NAALAD2: variants seen among roughly 807,000 people sequenced by gnomAD.
The protein encoded by NAALAD2 is N-acetylated-alpha-linked acidic dipeptidase 2.
NAALAD2 carries 89 observed loss-of-function variants against 95.6 expected under a neutral mutation model. That is an observed-to-expected ratio of 0.93 (90% confidence interval 0.78 to 1.11). NAALAD2 has a LOEUF of 1.11. NAALAD2 is among the 50% of genes least tolerant of loss of function. The pLI is 0.00. For missense variants in NAALAD2, 894 were observed against 872.4 expected, an observed-to-expected ratio of 1.02 and a Z score of -0.31; for synonymous variants, 264 against 294.4, an observed-to-expected ratio of 0.90 and a Z score of 1.06.
intron 18 of NAALAD2, among the ~76,000 whole-genome samples, chr11:90,184,611 A>T (rs1857068667): frequency 6.6e-6 from 1 of 151,968 alleles, no homozygotes; most frequent in South Asian, 2.1e-4. Context: ...ATTTATAAGA[A>T]ATCTATATTT....
intron 2 of NAALAD2, among the ~76,000 whole-genome samples, chr11:90,139,614 A>C (rs1459223227): frequency 6.6e-6 from 1 of 152,148 alleles, no homozygotes; most frequent in Non-Finnish European, 1.5e-5. Flanking sequence ...AAATGTATCA[A>C]ACCATCTTTT....
chr11:90,133,792 A>T (rs1590946251), upstream of NAALAD2, among the ~76,000 whole-genome samples: 1 of 152,088 alleles, frequency 6.6e-6, no homozygotes, highest in East Asian at 1.9e-4. Flanking sequence ...TCTTCCTGAG[A>T]TATTAGTTCG....
chr11:90,150,518 G>T lies in NAALAD2; in HGVS notation c.520G>T (p.Asp174Tyr), dbSNP rs759934890. 5.6e-6 allele frequency: 9 copies of T among 1,610,802 alleles called. No homozygotes were observed. In the African/African-American group the frequency reaches 1.1e-4, roughly 19 times the overall value. The change falls in exon 5 of 19, where the codon GAC becomes TAC. Residue 174 changes from aspartate to tyrosine, a missense_variant. By Grantham distance (160) the Asp-to-Tyr change is radical. Transcript: ENST00000534061. ...ATATGTGAACTATGCTCGCACTGAAGACTTTTTCAAACTAGAAAGAGAGAT... is the reference window on the plus strand; with the variant it reads ...ATATGTGAACTATGCTCGCACTGAATACTTTTTCAAACTAGAAAGAGAGAT... Reference protein sequence around the residue: ...LVYVNYARTEDFFKLEREMGI... With the variant: ...LVYVNYARTEYFFKLEREMGI...
At chr11:90,138,059 C>G (rs117534819) in intron 2 of NAALAD2, among the ~76,000 whole-genome samples, 5,816 of 152,196 alleles carry the variant, frequency 0.038, 156 homozygotes, top group Non-Finnish European at 0.057. Context: ...TCCCCCAAAA[C>G]TTAACTATTA....
intron 6 of NAALAD2, among the ~76,000 whole-genome samples, chr11:90,155,396 T>A (rs1301132248): frequency 2.6e-5 from 2 of 78,104 alleles, no homozygotes; most frequent in Admixed American, 2.2e-4. Context: ...ATGTAATATA[T>A]AATATATATA....
intron 15 of NAALAD2, 56 bp from the exon 16 acceptor site, chr11:90,177,797 A>G: frequency 6.8e-7 from 1 of 1,465,834 alleles, no homozygotes; most frequent in South Asian, 1.3e-5. Flanking sequence ...ACATAAAAAT[A>G]TTATAACTTG....
At chr11:90,184,742 A>T (rs1480978833) in intron 18 of NAALAD2, among the ~76,000 whole-genome samples, 1 of 152,010 alleles carries the variant, frequency 6.6e-6, no homozygotes, top group Non-Finnish European at 1.5e-5. Context: ...GTGAAACTCA[A>T]TGTTGAGTTT....
intron 2 of NAALAD2, among the ~76,000 whole-genome samples, chr11:90,146,773 C>T (rs1951759918): frequency 6.6e-6 from 1 of 152,112 alleles, no homozygotes; most frequent in Non-Finnish European, 1.5e-5. Flanking sequence ...ACCAAGAGAA[C>T]ACTGCCCAAA....
In NAALAD2 at chr11:90,162,859, A is replaced by G. The variant is rs1364297033; in HGVS notation, c.990-90A>G. The G allele has an allele frequency of 1.5e-5, 11 of 717,520 alleles. No individual in the cohort carries two copies. The Admixed American group carries it at 3.1e-4, about 20-fold the overall frequency. 44.4% of individuals were successfully genotyped at this position (717,520 alleles called of 1,614,324 possible). A position where few individuals can be genotyped will look rare whatever the true frequency, so the allele number is the denominator to read the frequency against. On this transcript the variant is annotated intron_variant, in intron 8 of 18. Transcript: ENST00000534061. ...GCTATTGCACAGCTTTTCATAATAA[A>G]ACACTATTATGAAAATAGTTTTTTA...
chr11:90,177,036 G>A (rs982920009), intron 15 of NAALAD2, among the ~76,000 whole-genome samples: 9 of 152,130 alleles, frequency 5.9e-5, no homozygotes, highest in South Asian at 4.1e-4. Flanking sequence ...GATAGAAGGA[G>A]AAGGACTGAT....
intron 18 of NAALAD2, among the ~76,000 whole-genome samples, chr11:90,188,137 C>T (rs180979492): frequency 2.0e-5 from 3 of 152,198 alleles, no homozygotes; most frequent in East Asian, 1.9e-4. Context: ...ACTTGGTGAT[C>T]GGCACAAGAG....
chr11:90,147,323 A>G lies in NAALAD2; in HGVS notation c.195-7A>G. 1 of 1,609,842 alleles carries G rather than the reference A, an allele frequency of 6.2e-7. No individual in the cohort carries two copies. The highest frequency in any genetic ancestry group is 1.1e-5 in the South Asian group (1 of 90,914). On this transcript the variant is annotated splice_region_variant and splice_polypyrimidine_tract_variant and intron_variant, in intron 2 of 18. Coordinates refer to ENST00000534061, the MANE Select transcript of NAALAD2 (RefSeq NM_005467.4). ...TAATGCCCTCTTATGTTTTATTTTC[A>G]TTTTAGTTCTTTTACAAAGCTTCCT...
intron 7 of NAALAD2, 93 bp from the exon 8 acceptor site, chr11:90,159,146 A>T: frequency 1.1e-6 from 1 of 942,302 alleles, no homozygotes; most frequent in Non-Finnish European, 1.7e-6. Flanking sequence ...AATATTTGTT[A>T]TATATATGAA....
intron 2 of NAALAD2, among the ~76,000 whole-genome samples, chr11:90,143,353 A>G (rs1951670474): frequency 6.6e-6 from 1 of 152,102 alleles, no homozygotes; most frequent in African/African-American, 2.4e-5. Context: ...TTTCCTGGAC[A>G]TAGAATTCTG....
At chr11:90,136,421 C>T (rs577338024) in intron 2 of NAALAD2, among the ~76,000 whole-genome samples, 1 of 152,202 alleles carries the variant, frequency 6.6e-6, no homozygotes, top group East Asian at 1.9e-4. Flanking sequence ...TCCATTATGC[C>T]CTTTGCAGTT....
chr11:90,190,358 C>T (rs1857288813), intron 18 of NAALAD2, among the ~76,000 whole-genome samples: 1 of 152,158 alleles, frequency 6.6e-6, no homozygotes, highest in South Asian at 2.1e-4. Context: ...CAGGCAGTCT[C>T]AGTCTACAAC....
chr11:90,160,747 A>T (rs545753795), intron 8 of NAALAD2, among the ~76,000 whole-genome samples: 2 of 152,316 alleles, frequency 1.3e-5, no homozygotes, highest in Admixed American at 1.3e-4. Flanking sequence ...CTACAATTTT[A>T]GTCACAAAGA....
chr11:90,191,515 TGTATACAC>T, intron 18 of NAALAD2, 35 bp from the exon 19 acceptor site: 2 of 1,406,628 alleles, frequency 1.4e-6, no homozygotes, highest in Non-Finnish European at 1.9e-6. Flanking sequence ...GCAAAATGCA[TGTATACAC>T]TTTAGTTCAA....
In NAALAD2 at chr11:90,191,539, C is replaced by A; in HGVS notation, c.2034-19C>A. The A allele has an allele frequency of 6.6e-7, 1 of 1,523,592 alleles. No individual in the cohort carries two copies. The highest frequency in any genetic ancestry group is 8.8e-7 in the Non-Finnish European group (1 of 1,136,792). 94.4% of individuals were successfully genotyped at this position (1,523,592 alleles called of 1,614,324 possible). On this transcript the variant is annotated intron_variant, in intron 18 of 18. Coordinates refer to ENST00000534061, the MANE Select transcript of NAALAD2 (RefSeq NM_005467.4). ...ATGTATACACTTTAGTTCAATTTGC[C>A]TTGTTTTCTTCCTTTTAGGCACATC...
Sources: gnomAD v4.1 joint callset for allele counts (sites outside exome capture counted in the v4.1 genomes callset) on GRCh38, gnomAD v4.1.1 for gene constraint, MANE v1.5 for transcripts, NCBI Gene and HGNC (gene_info 2026-07-23, HGNC 2026-07-21) for gene names.